The following USH2A variants were observed in gnomAD, a reference collection of about 807,000 sequenced individuals.
USH2A encodes Usher syndrome 2A (autosomal recessive, mild).
In USH2A, 443 loss-of-function variants were observed where a neutral mutation model predicts 538.9. The observed-to-expected ratio is 0.82, with a 90% CI of 0.76 to 0.89. The LOEUF is 0.89. Ranked by LOEUF, USH2A falls within the 40% of genes least tolerant of loss-of-function variation. The probability of loss-of-function intolerance (pLI) is 0.00; values close to 1 mark genes in which losing one functional copy is unlikely to be tolerated. For missense variants in USH2A, 6,633 were observed against 6,324.8 expected (o/e 1.05, Z -1.65); for synonymous variants, 2,413 against 2,273.5 (o/e 1.06, Z -1.75).
intron 44 of USH2A, among the ~76,000 whole-genome samples, chr1:215,849,723 C>T (rs1663967469): frequency 6.6e-6 from 1 of 151,884 alleles, no homozygotes; most frequent in Non-Finnish European, 1.5e-5. Context: ...AAATTAGGAA[C>T]ATTTATAAAG....
chr1:216,330,832 T>C (rs1298689136), intron 4 of USH2A, among the ~76,000 whole-genome samples: 1 of 151,998 alleles, frequency 6.6e-6, no homozygotes, highest in Non-Finnish European at 1.5e-5. Context: ...TACAGTCATA[T>C]GTGTGAAAAA....
At chr1:216,073,961 C>T (rs2031661062) in intron 27 of USH2A, among the ~76,000 whole-genome samples, 3 of 152,196 alleles carry the variant, frequency 2.0e-5, no homozygotes, top group Admixed American at 2.0e-4. Flanking sequence ...ACAAAATGGT[C>T]ACCAGTTTTA....
Position 215,888,563 on chromosome 1 carries a change from A to G in USH2A, c.8086T>C (p.Tyr2696His). The change falls in exon 41 of 72, where the codon TAT becomes CAT. Residue 2696 changes from tyrosine to histidine, a missense_variant. By Grantham distance (83) the Tyr-to-His change is moderately conservative. Coordinates refer to ENST00000307340, the MANE Select transcript of USH2A (RefSeq NM_206933.4). ...KTSALSPWTK[Y>H]EYRVLMSTLH... ...GTGCTCATCAGTACCCGATATTCAT[A>G]TTTTGTCCATGGGCTAAGAGCAGAA... 6.2e-7 allele frequency: 1 copy of G among 1,614,106 alleles called. No homozygotes were observed. The highest frequency in any genetic ancestry group is 8.5e-7 in the Non-Finnish European group (1 of 1,180,018).
intron 30 of USH2A, among the ~76,000 whole-genome samples, chr1:216,049,803 C>G (rs569684315): frequency 8.3e-4 from 126 of 152,226 alleles, no homozygotes; most frequent in Admixed American, 1.2e-3. Flanking sequence ...GCCCTTAGTT[C>G]CTAGGGCTGT....
chr1:215,708,839 C>T (rs1369024286), intron 61 of USH2A, among the ~76,000 whole-genome samples: 4 of 152,060 alleles, frequency 2.6e-5, no homozygotes, highest in Non-Finnish European at 5.9e-5. Flanking sequence ...CCCCGGGGTT[C>T]TGGACCCCTT....
chr1:215,786,957 T>C (rs2102767186), intron 51 of USH2A, 83 bp from the exon 52 acceptor site: 1 of 1,363,032 alleles, frequency 7.3e-7, no homozygotes, highest in Non-Finnish European at 1.0e-6. Context: ...TTTGTGACTT[T>C]CAAATGAAAT....
chr1:215,681,990 A>C (rs1658245690), intron 61 of USH2A, among the ~76,000 whole-genome samples: 1 of 152,194 alleles, frequency 6.6e-6, no homozygotes, highest in Admixed American at 6.5e-5. Context: ...AATATTTAAA[A>C]ACTTATTTCT....
chr1:216,151,144 C>T (rs952526515), intron 21 of USH2A, among the ~76,000 whole-genome samples: 4 of 152,066 alleles, frequency 2.6e-5, no homozygotes, highest in African/African-American at 9.7e-5. Context: ...CCATGAAAAT[C>T]GAACCTCCCC....
At chr1:216,165,352 A>G (rs897366619) in intron 21 of USH2A, among the ~76,000 whole-genome samples, 3 of 152,138 alleles carry the variant, frequency 2.0e-5, no homozygotes, top group African/African-American at 7.2e-5. Context: ...CAGCAACACA[A>G]TGTGATAGCT....
intron 61 of USH2A, among the ~76,000 whole-genome samples, chr1:215,712,491 G>C (rs1349144721): frequency 1.3e-5 from 2 of 152,202 alleles, no homozygotes; most frequent in Non-Finnish European, 2.9e-5. Context: ...ATGAAGCTTG[G>C]GCTGTGATTC....
chr1:215,802,544 G>T (rs1416849667), intron 49 of USH2A, among the ~76,000 whole-genome samples: 2 of 151,998 alleles, frequency 1.3e-5, no homozygotes, highest in African/African-American at 4.8e-5. Flanking sequence ...GTAGGGAAAT[G>T]CAAATCAAAA....
chr1:215,876,938 C>T (rs721099), intron 43 of USH2A, among the ~76,000 whole-genome samples: 43,295 of 151,918 alleles, frequency 0.28, 6,751 homozygotes, highest in Admixed American at 0.43. Context: ...CTACAGCTAC[C>T]CAGTGGTGGG....
chr1:216,233,561 C>T (rs1351904551), intron 13 of USH2A, among the ~76,000 whole-genome samples: 3 of 152,042 alleles, frequency 2.0e-5, no homozygotes, highest in African/African-American at 7.2e-5. Flanking sequence ...ATTCCAAACA[C>T]ATTCGATGAA....
intron 43 of USH2A, among the ~76,000 whole-genome samples, chr1:215,872,334 A>T (rs1664644550): frequency 6.6e-6 from 1 of 152,242 alleles, no homozygotes; most frequent in African/African-American, 2.4e-5. Context: ...AATAGTATTG[A>T]AGATTTTTGC....
At chr1:216,010,054 C>T (rs1426595701) in intron 32 of USH2A, among the ~76,000 whole-genome samples, 1 of 152,136 alleles carries the variant, frequency 6.6e-6, no homozygotes, top group South Asian at 2.1e-4. Context: ...CCAATCTGCT[C>T]CCGACATTAA....
At chr1:215,998,275 T>C (rs762701302) in intron 34 of USH2A, among the ~76,000 whole-genome samples, 7 of 152,112 alleles carry the variant, frequency 4.6e-5, no homozygotes, top group Non-Finnish European at 8.8e-5. Context: ...TGAGTATAAA[T>C]TCCACAGTAA....
At chr1:216,173,560 A>G (rs1217189931) in intron 21 of USH2A, among the ~76,000 whole-genome samples, 1 of 152,166 alleles carries the variant, frequency 6.6e-6, no homozygotes, top group Non-Finnish European at 1.5e-5. Context: ...TAGTGAGGCC[A>G]GTGTTTACAG....
chr1:215,838,064 C>T lies in USH2A; in HGVS notation c.9298G>A (p.Gly3100Arg). 2.5e-6 allele frequency: 4 copies of T among 1,613,944 alleles called. No individual in the cohort carries two copies. Among genetic ancestry groups the T allele is most frequent in the Non-Finnish European group, 3.4e-6 (4 of 1,179,924 alleles). The change falls in exon 47 of 72, where the codon GGA (glycine) becomes AGA (arginine). Residue 3100 changes from glycine (G) to arginine (R), a missense_variant. Gly to Arg is a moderately radical substitution (Grantham distance 125). Transcript: ENST00000307340. ...CTIYACVKSN[G>R]TQITTVEDTP... ...TCTTCCACAGTGGTAATTTGGGTTCCATTGCTTTTCACGCAGGCATATATT... is the reference window on the plus strand; with the variant it reads ...TCTTCCACAGTGGTAATTTGGGTTCTATTGCTTTTCACGCAGGCATATATT...
At chr1:216,039,746 C>A (rs1019115136) in intron 32 of USH2A, among the ~76,000 whole-genome samples, 37 of 151,958 alleles carry the variant, frequency 2.4e-4, no homozygotes, top group African/African-American at 8.7e-4. Flanking sequence ...GATAGAAGTG[C>A]CTAACCTTTA....
Sources: allele counts gnomAD v4.1 joint callset (sites outside exome capture counted in the v4.1 genomes callset), GRCh38; gene constraint gnomAD v4.1.1; transcripts MANE v1.5; gene names NCBI Gene and HGNC (gene_info 2026-07-23, HGNC 2026-07-21).